Variants in PRKD1 observed in about 807,000 individuals in gnomAD.
PRKD1 encodes the protein serine/threonine-protein kinase D1.
Under a neutral mutation model 95.9 loss-of-function variants are expected in PRKD1, and 63 were observed. The ratio of observed to expected loss-of-function variants is 0.66; its 90% CI spans 0.54 to 0.81. The LOEUF (loss-of-function observed/expected upper bound fraction) is 0.81, where lower values mean the gene tolerates loss of function less well. Among genes scored for constraint, PRKD1 ranks in the 30% least tolerant of loss-of-function variants. PRKD1 has a pLI of 0.00. For missense variants in PRKD1, 1,048 were observed against 1,165.3 expected, an observed-to-expected ratio of 0.90 and a Z score of 1.47; for synonymous variants, 425 against 423.1, an observed-to-expected ratio of 1.00 and a Z score of -0.05.
intron 1 of PRKD1, among the ~76,000 whole-genome samples, chr14:29,888,406 C>A (rs1029321877): frequency 6.6e-6 from 1 of 151,952 alleles, no homozygotes; most frequent in African/African-American, 2.4e-5. Context: ...CACAGAAATG[C>A]AAGAAGGCCT....
intron 1 of PRKD1, among the ~76,000 whole-genome samples, chr14:29,914,742 T>C (rs1894832838): frequency 6.7e-6 from 1 of 149,970 alleles, no homozygotes; most frequent in Non-Finnish European, 1.5e-5. Context: ...AATAAATAAA[T>C]AAGAAAAGCA....
intron 2 of PRKD1, among the ~76,000 whole-genome samples, chr14:29,676,192 T>TTTTTTTTTTTTTTTTTTTTTTTTTTG (rs1566532348): frequency 1.6e-5 from 2 of 128,528 alleles, no homozygotes; most frequent in African/African-American, 3.1e-5. Flanking sequence ...TGTTTTTTTT[T>TTTTTTTTTTTTTTTTTTTTTTTTTTG]TTTTTTTTTT....
At chr14:29,849,138 TG>T (rs1206323448) in intron 1 of PRKD1, among the ~76,000 whole-genome samples, 1 of 152,196 alleles carries the variant, frequency 6.6e-6, no homozygotes, top group Non-Finnish European at 1.5e-5. Context: ...GATTGGATCA[TG>T]GGGGCAGACT....
At chr14:29,616,070 G>A (rs1051707470) in intron 13 of PRKD1, among the ~76,000 whole-genome samples, 1 of 151,890 alleles carries the variant, frequency 6.6e-6, no homozygotes, top group Non-Finnish European at 1.5e-5. Flanking sequence ...GGATGACCTC[G>A]CTCTGGAAAT....
chr14:29,773,630 T>A (rs1241998247), intron 1 of PRKD1, among the ~76,000 whole-genome samples: 5 of 152,150 alleles, frequency 3.3e-5, no homozygotes, highest in African/African-American at 1.2e-4. Context: ...AAATATATAA[T>A]CTCATACAAT....
chr14:29,720,870 A>G (rs972437294), intron 2 of PRKD1, among the ~76,000 whole-genome samples: 2 of 152,112 alleles, frequency 1.3e-5, no homozygotes, highest in Non-Finnish European at 2.9e-5. Context: ...CAATGATACT[A>G]CCTTCCTGAG....
At chr14:29,666,021 C>T (rs145808278) in intron 3 of PRKD1, 56 bp downstream of exon 3, 353 of 1,491,150 alleles carry the variant, frequency 2.4e-4, no homozygotes, top group Admixed American at 3.0e-4. Flanking sequence ...AATTCTGCTG[C>T]GATAAACACA....
chr14:29,678,125 C>T (rs902372955), intron 2 of PRKD1, among the ~76,000 whole-genome samples: 1 of 152,020 alleles, frequency 6.6e-6, no homozygotes, highest in Non-Finnish European at 1.5e-5. Context: ...ATTATTCTTT[C>T]GTAAGCTTAT....
intron 1 of PRKD1, among the ~76,000 whole-genome samples, chr14:29,801,143 G>C (rs781235249): frequency 7.9e-5 from 12 of 152,016 alleles, no homozygotes; most frequent in Middle Eastern, 3.2e-3. Flanking sequence ...CAAAATCTAA[G>C]GGCAGGCAAG....
chr14:29,874,661 A>T (rs375820657), intron 1 of PRKD1, among the ~76,000 whole-genome samples: 1 of 152,220 alleles, frequency 6.6e-6, no homozygotes, highest in African/African-American at 2.4e-5. Context: ...AGCCATACAG[A>T]AAGAATGAAA....
chr14:29,629,214 T>G, intron 10 of PRKD1, 121 bp from the exon 11 acceptor site: 1 of 676,604 alleles, frequency 1.5e-6, no homozygotes, highest in Non-Finnish European at 2.5e-6. Context: ...TCATAGCAAT[T>G]AGGTTTTTCT....
chr14:29,672,594 C>A (rs1366497476), intron 2 of PRKD1, among the ~76,000 whole-genome samples: 2 of 151,892 alleles, frequency 1.3e-5, no homozygotes, highest in Non-Finnish European at 2.9e-5. Context: ...TGGAAGAAAT[C>A]AAATGAAAAA....
intron 2 of PRKD1, among the ~76,000 whole-genome samples, chr14:29,691,425 G>T (rs1284381418): frequency 6.6e-6 from 1 of 152,202 alleles, no homozygotes; most frequent in Non-Finnish European, 1.5e-5. Flanking sequence ...ATTGTAATGA[G>T]CAGCCAAAGT....
At chr14:29,788,210 GT>G (rs1157917532) in intron 1 of PRKD1, among the ~76,000 whole-genome samples, 3 of 152,084 alleles carry the variant, frequency 2.0e-5, no homozygotes, top group East Asian at 1.9e-4. Context: ...AGCTGTCATT[GT>G]TTTTTCTTTC....
chr14:29,673,333 T>A (rs2139240237), intron 2 of PRKD1, among the ~76,000 whole-genome samples: 1 of 152,334 alleles, frequency 6.6e-6, no homozygotes, highest in Admixed American at 6.5e-5. Context: ...CTCCTCAACA[T>A]ACTTTTTCTC....
At chr14:29,861,028 C>G (rs149301764) in intron 1 of PRKD1, among the ~76,000 whole-genome samples, 4 of 152,280 alleles carry the variant, frequency 2.6e-5, no homozygotes, top group Middle Eastern at 3.4e-3. Flanking sequence ...ACCTCCCCTT[C>G]CATTACTTAC....
At chr14:29,847,801 A>T (rs1351114191) in intron 1 of PRKD1, among the ~76,000 whole-genome samples, 2 of 152,016 alleles carry the variant, frequency 1.3e-5, no homozygotes, top group East Asian at 3.9e-4. Flanking sequence ...ATTGTAGCCA[A>T]TCCATAGATC....
intron 1 of PRKD1, among the ~76,000 whole-genome samples, chr14:29,812,354 TG>T (rs1236188413): frequency 2.0e-5 from 3 of 152,226 alleles, no homozygotes; most frequent in Non-Finnish European, 4.4e-5. Context: ...GACGTTAATA[TG>T]TAAAAGAGCA....
At position 29,927,265 on chromosome 14, in the gene PRKD1, G is replaced by A; in HGVS notation, c.248C>T (p.Ser83Phe). Reference protein sequence around the residue: ...SLAHVREMACSIVDQKFPECG... With the variant: ...SLAHVREMACFIVDQKFPECG... The stretch of plus-strand genomic sequence containing the variant: ...GCGACTTACCTTCTGGTCGACAATG[G>A]AGCAAGCCATCTCGCGGACGTGCGC... Residue 83 changes from serine to phenylalanine, a missense_variant, in exon 1 of 18, where the codon TCC becomes TTC. Physicochemically the swap from Ser to Phe is radical, Grantham distance 155 (BLOSUM62 -2). Coordinates refer to ENST00000331968, the MANE Select transcript of PRKD1 (RefSeq NM_002742.3). The A allele has an allele frequency of 6.6e-6, 10 of 1,520,270 alleles. No individual in the cohort carries two copies. The highest frequency in any genetic ancestry group is 1.4e-5 in the African/African-American group (1 of 69,704). 94.2% of individuals were successfully genotyped at this position (1,520,270 alleles called of 1,614,324 possible). A position where few individuals can be genotyped will look rare whatever the true frequency, so the allele number is the denominator to read the frequency against.
Sources: allele counts gnomAD v4.1 joint callset (sites outside exome capture counted in the v4.1 genomes callset), GRCh38; gene constraint gnomAD v4.1.1; transcripts MANE v1.5; gene names NCBI Gene and HGNC (gene_info 2026-07-23, HGNC 2026-07-21).